Variants in EBF1 observed in about 807,000 individuals in gnomAD.
EBF1 encodes the protein transcription factor COE1.
In EBF1, 10 loss-of-function variants were observed where a neutral mutation model predicts 68.4. The ratio of observed to expected loss-of-function variants is 0.15; its 90% CI spans 0.09 to 0.25. The LOEUF (loss-of-function observed/expected upper bound fraction) is 0.25, where lower values mean the gene tolerates loss of function less well. EBF1 is among the 10% of genes least tolerant of loss of function. The pLI is 1.00. For missense variants in EBF1, 509 were observed against 794.4 expected (o/e 0.64, Z 4.32); for synonymous variants, 298 against 299.8 (o/e 0.99, Z 0.06).
intron 10 of EBF1, among the ~76,000 whole-genome samples, chr5:158,746,657 G>T (rs140239709): frequency 6.6e-6 from 1 of 152,180 alleles, no homozygotes; most frequent in African/African-American, 2.4e-5. Flanking sequence ...GAAAAAAAAA[G>T]TGACCTTCCT....
At chr5:158,884,375 T>C (rs1349589699) in intron 6 of EBF1, among the ~76,000 whole-genome samples, 5 of 152,222 alleles carry the variant, frequency 3.3e-5, no homozygotes, top group African/African-American at 4.8e-5. Context: ...GGGAGTTCTG[T>C]GAACACTTTA....
rs1432710801 is a variant in EBF1 at position 158,777,514 on chromosome 5, A to G, written c.935T>C (p.Val312Ala). 6.2e-7 allele frequency: 1 copy of G among 1,612,326 alleles called. No individual in the cohort carries two copies. Among genetic ancestry groups the G allele is most frequent in the Non-Finnish European group, 8.5e-7 (1 of 1,178,934 alleles). Residue 312 changes from valine to alanine, a missense_variant, in exon 10 of 16, where the codon GTG (valine) becomes GCG (alanine). Val to Ala is a moderately conservative substitution (Grantham distance 64). Transcript: ENST00000313708. ...SELITPHAIR[V>A]QTPPRHIPGV... ...AGGGATGTGCCGAGGAGGGGTCTGC[A>G]CACGGATGGCATGAGGAGTGATCAA...
At chr5:158,813,703 G>A (rs1277536961) in intron 8 of EBF1, among the ~76,000 whole-genome samples, 1 of 152,168 alleles carries the variant, frequency 6.6e-6, no homozygotes, top group African/African-American at 2.4e-5. Context: ...AGGAAACAGA[G>A]GCCCAGAGAA....
rs114180420 is a variant in EBF1 at position 158,850,157 on chromosome 5, C to T, written c.555-10047G>A. On this transcript the variant is annotated intron_variant, in intron 6 of 15. Coordinates refer to ENST00000313708, the MANE Select transcript of EBF1 (RefSeq NM_024007.5). ...TGTTTTCCCATCATTCAAGTGTAAC[C>T]CAAAGGAATAAAAGGCCATATAACT... is the stretch of plus-strand genomic sequence containing the variant. 4.1e-3 allele frequency among the ~76,000 whole-genome samples: 630 copies of T among 152,166 alleles called. 3 individuals carry two copies. Among genetic ancestry groups the T allele is most frequent in the Middle Eastern group, 6.8e-3 (2 of 294 alleles).
chr5:158,966,011 T>C (rs937483875), intron 6 of EBF1, among the ~76,000 whole-genome samples: 4 of 152,208 alleles, frequency 2.6e-5, no homozygotes, highest in Non-Finnish European at 5.9e-5. Context: ...GGTTTCATTT[T>C]GTTCTCTATC....
At chr5:158,951,066 T>C (rs1283721600) in intron 6 of EBF1, among the ~76,000 whole-genome samples, 6 of 152,230 alleles carry the variant, frequency 3.9e-5, no homozygotes, top group African/African-American at 1.4e-4. Flanking sequence ...CATCTGACTC[T>C]GGGTTGGTCT....
intron 6 of EBF1, among the ~76,000 whole-genome samples, chr5:158,994,807 A>G (rs1394921781): frequency 6.6e-6 from 1 of 152,240 alleles, no homozygotes; most frequent in East Asian, 1.9e-4. Flanking sequence ...CAGAAAATTC[A>G]TGGATGACTT....
At chr5:158,978,831 C>G (rs201145504) in intron 6 of EBF1, among the ~76,000 whole-genome samples, 4,294 of 113,178 alleles carry the variant, frequency 0.038, 84 homozygotes, top group Middle Eastern at 0.05. Context: ...CACACACACA[C>G]ACACAGAGAG....
chr5:158,840,975 T>G (rs1790241314), intron 6 of EBF1, among the ~76,000 whole-genome samples: 1 of 152,122 alleles, frequency 6.6e-6, no homozygotes, highest in African/African-American at 2.4e-5. Context: ...CAGGCCCTCC[T>G]GTTTTTCTTA....
chr5:158,820,055 A>C (rs572343209), intron 8 of EBF1, among the ~76,000 whole-genome samples: 11 of 152,260 alleles, frequency 7.2e-5, no homozygotes, highest in Admixed American at 5.2e-4. Context: ...GTCTCTACTT[A>C]TACACAGAAA....
At chr5:159,033,906 T>A (rs895417798) in intron 6 of EBF1, among the ~76,000 whole-genome samples, 1 of 152,144 alleles carries the variant, frequency 6.6e-6, no homozygotes, top group African/African-American at 2.4e-5. Flanking sequence ...GACATCTAAT[T>A]TATGGGTGTT....
intron 6 of EBF1, among the ~76,000 whole-genome samples, chr5:158,976,218 A>T: frequency 6.6e-6 from 1 of 152,246 alleles, no homozygotes; most frequent in East Asian, 1.9e-4. Flanking sequence ...TACAAAAAGA[A>T]TCTAAATAAC....
At chr5:158,878,797 C>T (rs552533981) in intron 6 of EBF1, among the ~76,000 whole-genome samples, 5 of 152,128 alleles carry the variant, frequency 3.3e-5, no homozygotes, top group African/African-American at 4.8e-5. Context: ...GGATGTGCCA[C>T]GGTGCTCAGC....
intron 6 of EBF1, among the ~76,000 whole-genome samples, chr5:159,000,176 G>GAC (rs147885139): frequency 0.011 from 1,627 of 151,782 alleles, 23 homozygotes; most frequent in African/African-American, 0.036. Flanking sequence ...TTGCAGTACA[G>GAC]ACACACACAC....
intron 6 of EBF1, among the ~76,000 whole-genome samples, chr5:159,045,180 T>C (rs1216346198): frequency 6.6e-6 from 1 of 152,160 alleles, no homozygotes; most frequent in Non-Finnish European, 1.5e-5. Context: ...TTTTTGGCAT[T>C]CAAGATCAGA....
intron 10 of EBF1, among the ~76,000 whole-genome samples, chr5:158,732,432 A>G (rs1405127386): frequency 6.6e-6 from 1 of 152,210 alleles, no homozygotes; most frequent in African/African-American, 2.4e-5. Context: ...TTGTGGTTTT[A>G]AAAGGACATT....
At chr5:158,804,178 A>C (rs1224788157) in intron 8 of EBF1, among the ~76,000 whole-genome samples, 11 of 151,812 alleles carry the variant, frequency 7.2e-5, no homozygotes, top group Non-Finnish European at 1.6e-4. Context: ...AAAAGAAGAA[A>C]AGGAAAAATT....
chr5:158,857,170 C>T (rs1794198801), intron 6 of EBF1, among the ~76,000 whole-genome samples: 1 of 151,694 alleles, frequency 6.6e-6, no homozygotes, highest in Admixed American at 6.6e-5. Flanking sequence ...ATTCCCTCAG[C>T]ACCCCTTCTG....
intron 10 of EBF1, among the ~76,000 whole-genome samples, chr5:158,734,188 T>C (rs1764699018): frequency 6.6e-6 from 1 of 152,160 alleles, no homozygotes; most frequent in African/African-American, 2.4e-5. Context: ...CAAATAGTAG[T>C]TATTTCTAAG....
Sources: gnomAD v4.1 joint callset for allele counts (sites outside exome capture counted in the v4.1 genomes callset) on GRCh38, gnomAD v4.1.1 for gene constraint, MANE v1.5 for transcripts, NCBI Gene and HGNC (gene_info 2026-07-23, HGNC 2026-07-21) for gene names.